Variants in TMEM181 observed in about 807,000 individuals in gnomAD.
TMEM181 encodes transmembrane protein 181.
Under a neutral mutation model 71.9 loss-of-function variants are expected in TMEM181, and 39 were observed. That is an observed-to-expected ratio of 0.54 (90% CI 0.42 to 0.71). The LOEUF is 0.71. TMEM181 is among the 30% of genes least tolerant of loss of function. TMEM181 has a pLI of 0.00. For synonymous variants in TMEM181, 245 were observed against 228.8 expected (o/e 1.07, Z -0.64); for missense variants, 595 against 583.0 (o/e 1.02, Z -0.21).
chr6:158,592,341 A>T (rs925228438), intron 6 of TMEM181, among the ~76,000 whole-genome samples: 2 of 152,160 alleles, frequency 1.3e-5, no homozygotes, highest in Admixed American at 1.3e-4. Flanking sequence ...TCTTTTTTCA[A>T]CCAATCAATT....
intron 2 of TMEM181, among the ~76,000 whole-genome samples, chr6:158,574,368 C>G (rs1783046774): frequency 6.6e-6 from 1 of 152,170 alleles, no homozygotes; most frequent in Non-Finnish European, 1.5e-5. Flanking sequence ...TAGCCAACTT[C>G]TTTTCTTTCC....
intron 1 of TMEM181, among the ~76,000 whole-genome samples, chr6:158,565,795 G>T (rs866022029): frequency 6.6e-6 from 1 of 152,124 alleles, no homozygotes; most frequent in Non-Finnish European, 1.5e-5. Flanking sequence ...CTGAAAACTG[G>T]TGCAGCGTGT....
Position 158,567,246 on chromosome 6 carries a change from C to T in TMEM181, c.9-6174C>T, listed in dbSNP as rs146888843. Among the ~76,000 whole-genome samples the T allele has an allele frequency of 1.8e-4, 28 of 152,296 alleles. No individual in the cohort carries two copies. In the East Asian group the frequency reaches 5.4e-3, roughly 29 times the overall value. The stretch of plus-strand genomic sequence containing the variant: ...GGCAGGGGTTTTCTAGGAAGTCTTC[C>T]TGGCCTGGGTAGCTGGGCCGAGGAC... On this transcript the variant is annotated intron_variant, in intron 1 of 16. Coordinates refer to ENST00000684151, the MANE Select transcript of TMEM181 (RefSeq NM_001376852.1).
At position 158,625,755 on chromosome 6, in the gene TMEM181, G is replaced by T; in HGVS notation, c.1109+1G>T. ...TGACTTTCGTAGTACTTGTCATTAG[G>T]TAAGAAGACCTTATTTCTTGAAAAC... is the stretch of plus-strand genomic sequence containing the variant. On this transcript the variant is annotated splice_donor_variant, in intron 13 of 16. Transcript: ENST00000684151. LOFTEE classifies it high-confidence loss of function. 3 of 1,608,622 alleles carry T rather than the reference G, an allele frequency of 1.9e-6. No individual in the cohort carries two copies. The highest frequency in any genetic ancestry group is 2.5e-6 in the Non-Finnish European group (3 of 1,178,506).
upstream of TMEM181, among the ~76,000 whole-genome samples, chr6:158,556,927 T>C (rs185071413): frequency 1.2e-4 from 19 of 152,288 alleles, no homozygotes; most frequent in Non-Finnish European, 1.8e-4. Flanking sequence ...CACACTCAGG[T>C]AATTTTTGTA....
rs193143788 is a variant in TMEM181, at chr6:158,579,304, A to G, written c.113-1636A>G. Among the ~76,000 whole-genome samples the G allele has an allele frequency of 1.4e-4, 21 of 151,758 alleles. No individual in the cohort carries two copies. The East Asian group carries it at 2.7e-3, about 20-fold the overall frequency. On this transcript the variant is annotated intron_variant, in intron 2 of 16. Transcript: ENST00000684151. ...GCAGGGTCTTGATATTTGTACACCC[A>G]TGTTCATAGCAGCATTATTCACAAT...
At chr6:158,559,020 G>T (rs773049106), upstream of TMEM181, among the ~76,000 whole-genome samples, 28 of 152,162 alleles carry the variant, frequency 1.8e-4, 1 homozygote, top group Non-Finnish European at 2.9e-4. Context: ...TTGAAGAGTT[G>T]CGGTTTAGGA....
chr6:158,631,660 G>A (rs769147999), intron 16 of TMEM181, 150 bp from the exon 17 acceptor site: 1 of 937,592 alleles, frequency 1.1e-6, no homozygotes. Context: ...GTCAGGGAGA[G>A]GAGGACGGGG....
At chr6:158,565,153 G>A (rs763029588) in intron 1 of TMEM181, among the ~76,000 whole-genome samples, 5 of 152,234 alleles carry the variant, frequency 3.3e-5, no homozygotes, top group Admixed American at 6.5e-5. Context: ...AGCAATTTGA[G>A]GTGTTCTCAC....
At chr6:158,553,405 C>A (rs1272230698) in intron 1 of TMEM181, among the ~76,000 whole-genome samples, 1 of 152,156 alleles carries the variant, frequency 6.6e-6, no homozygotes, top group Non-Finnish European at 1.5e-5. Context: ...TCAGTTATTT[C>A]TCTGTTAACC....
At chr6:158,566,821 G>C (rs1582952413) in intron 1 of TMEM181, among the ~76,000 whole-genome samples, 1 of 152,104 alleles carries the variant, frequency 6.6e-6, no homozygotes, top group East Asian at 1.9e-4. Context: ...GTCTCATTTG[G>C]ATTAGACACT....
Position 158,560,122 on chromosome 6 carries a change from C to T in TMEM181, c.-103C>T. ...TCCGCGGCCGGCCGCTGCTCAGCCG[C>T]TGTCGCTCCGGCTCCGGCTGCGGCT... On this transcript the variant is annotated 5_prime_UTR_variant, in exon 1 of 17. Coordinates refer to ENST00000684151, the MANE Select transcript of TMEM181 (RefSeq NM_001376852.1). 3 of 984,968 alleles carry T rather than the reference C, an allele frequency of 3.0e-6. No individual in the cohort carries two copies. The highest frequency in any genetic ancestry group is 2.4e-6 in the Non-Finnish European group (2 of 829,780). The allele number at this position is 984,968 out of a possible 1,614,324, so 61.0% of individuals were successfully genotyped here.
intron 10 of TMEM181, among the ~76,000 whole-genome samples, chr6:158,613,883 C>G (rs1043000968): frequency 6.6e-6 from 1 of 152,130 alleles, no homozygotes; most frequent in Non-Finnish European, 1.5e-5. Context: ...AGACAAGTTT[C>G]CTTGACTCTG....
intron 5 of TMEM181, among the ~76,000 whole-genome samples, chr6:158,586,601 G>A (rs1320482910): frequency 6.6e-6 from 1 of 152,110 alleles, no homozygotes; most frequent in African/African-American, 2.4e-5. Flanking sequence ...AACCACCATG[G>A]ATACTGCCTA....
chr6:158,623,523 ATAAT>A (rs780156339), intron 10 of TMEM181, 23 bp from the exon 11 acceptor site: 2 of 1,399,300 alleles, frequency 1.4e-6, no homozygotes, highest in South Asian at 2.8e-5. Flanking sequence ...TTATTAATCT[ATAAT>A]TATTTATAAT....
intron 10 of TMEM181, among the ~76,000 whole-genome samples, chr6:158,622,653 T>G (rs1197372870): frequency 1.3e-5 from 2 of 152,214 alleles, no homozygotes; most frequent in Non-Finnish European, 2.9e-5. Flanking sequence ...TTCAGTTAAC[T>G]GAAACTGCAG....
intron 6 of TMEM181, among the ~76,000 whole-genome samples, chr6:158,603,867 C>A (rs1415131181): frequency 6.6e-6 from 1 of 152,084 alleles, no homozygotes; most frequent in African/African-American, 2.4e-5. Context: ...TTATTGATTG[C>A]TAGGTTTTAT....
intron 1 of TMEM181, among the ~76,000 whole-genome samples, chr6:158,545,134 C>T (rs1781485818): frequency 6.6e-6 from 1 of 152,214 alleles, no homozygotes; most frequent in South Asian, 2.1e-4. Context: ...GGCTGCAGGG[C>T]ACTGCTATGC....
At chr6:158,568,474 G>A (rs185868346) in intron 1 of TMEM181, among the ~76,000 whole-genome samples, 4 of 152,216 alleles carry the variant, frequency 2.6e-5, no homozygotes, top group African/African-American at 9.6e-5. Context: ...GGAAGCACAC[G>A]GGGACGACAG....
Sources: gnomAD v4.1 joint callset for allele counts (sites outside exome capture counted in the v4.1 genomes callset) on GRCh38, gnomAD v4.1.1 for gene constraint, MANE v1.5 for transcripts, NCBI Gene and HGNC (gene_info 2026-07-23, HGNC 2026-07-21) for gene names.